TTC39B: variants seen among roughly 807,000 people sequenced by gnomAD.
The protein encoded by TTC39B is tetratricopeptide repeat domain 39B.
TTC39B carries 92 observed loss-of-function variants against 96.6 expected under a neutral mutation model. The observed-to-expected ratio is 0.95, with a 90% CI of 0.80 to 1.13. The LOEUF is 1.13. Ranked by LOEUF, TTC39B falls within the 50% of genes most tolerant of loss-of-function variation. The probability of loss-of-function intolerance (pLI) is 0.00; values close to 1 mark genes in which losing one functional copy is unlikely to be tolerated. For missense variants in TTC39B, 955 were observed against 809.3 expected (o/e 1.18, Z -2.18); for synonymous variants, 367 against 299.4 (o/e 1.23, Z -2.33).
At chr9:15,184,105 A>AAAG (rs1336641683) in intron 16 of TTC39B, among the ~76,000 whole-genome samples, 2 of 152,204 alleles carry the variant, frequency 1.3e-5, no homozygotes, top group Non-Finnish European at 2.9e-5. Flanking sequence ...ACAATTTACA[A>AAAG]AAGAAAAAAT....
intron 3 of TTC39B, among the ~76,000 whole-genome samples, chr9:15,221,103 A>C (rs1426202640): frequency 6.6e-6 from 1 of 152,138 alleles, no homozygotes; most frequent in African/African-American, 2.4e-5. Context: ...GGAGTCACTA[A>C]GCATCTTCAG....
intron 1 of TTC39B, among the ~76,000 whole-genome samples, chr9:15,278,411 G>C (rs887630524): frequency 6.6e-6 from 1 of 152,092 alleles, no homozygotes; most frequent in Non-Finnish European, 1.5e-5. Context: ...ACATAAATGA[G>C]CAAATTATTT....
At chr9:15,199,621 G>A (rs1208653411) in intron 8 of TTC39B, among the ~76,000 whole-genome samples, 1 of 151,346 alleles carries the variant, frequency 6.6e-6, no homozygotes, top group Non-Finnish European at 1.5e-5. Context: ...TGTAGTCCCA[G>A]CTACTCGGGA....
intron 1 of TTC39B, among the ~76,000 whole-genome samples, chr9:15,297,906 G>C (rs1447398771): frequency 6.6e-6 from 1 of 152,090 alleles, no homozygotes; most frequent in Admixed American, 6.5e-5. Flanking sequence ...CTGGATTAAG[G>C]GATACCCAGA....
intron 11 of TTC39B, 45 bp from the exon 12 acceptor site, chr9:15,189,837 G>C (rs558759098): frequency 7.4e-7 from 1 of 1,357,958 alleles, no homozygotes; most frequent in Non-Finnish European, 1.0e-6. Flanking sequence ...AAGACATGGG[G>C]ATATTTATAA....
intron 1 of TTC39B, among the ~76,000 whole-genome samples, chr9:15,299,233 T>C (rs143038979): frequency 2.0e-4 from 31 of 152,278 alleles, no homozygotes; most frequent in Non-Finnish European, 3.5e-4. Context: ...AAACATACAA[T>C]GTATCATTTC....
In TTC39B at chr9:15,247,604, A is replaced by G. The variant is rs118038842; in HGVS notation, c.275+20310T>C. Among the ~76,000 whole-genome samples the G allele has an allele frequency of 2.0e-3, 305 of 152,268 alleles. 2 individuals carry two copies. Among genetic ancestry groups the G allele is most frequent in the Middle Eastern group, 3.4e-3 (1 of 294 alleles). ...CATTAGCATTCCTCTTCTAGGGTGC[A>G]TGTTTTCCACGTTCCTTAACTGGCC... On this transcript the variant is annotated intron_variant, in intron 2 of 19. Transcript: ENST00000512701.
chr9:15,266,867 C>T (rs1234842173), intron 2 of TTC39B, among the ~76,000 whole-genome samples: 1 of 152,144 alleles, frequency 6.6e-6, no homozygotes, highest in Non-Finnish European at 1.5e-5. Flanking sequence ...ATCACGAGGT[C>T]AGGAGATGGA....
chr9:15,218,790 T>C (rs1018427068), intron 3 of TTC39B, among the ~76,000 whole-genome samples: 3 of 152,126 alleles, frequency 2.0e-5, no homozygotes, highest in Non-Finnish European at 4.4e-5. Context: ...TGGAATCAGA[T>C]CCTTTTATTC....
chr9:15,240,504 T>C (rs533198937), intron 2 of TTC39B, among the ~76,000 whole-genome samples: 1 of 152,336 alleles, frequency 6.6e-6, no homozygotes, highest in African/African-American at 2.4e-5. Context: ...TCAATGTTTT[T>C]TTTTCAATTT....
At chr9:15,227,308 CAAA>C (rs199578209) in intron 2 of TTC39B, among the ~76,000 whole-genome samples, 4 of 123,228 alleles carry the variant, frequency 3.2e-5, no homozygotes, top group African/African-American at 3.0e-5. Context: ...AACTCCATCT[CAAA>C]AAAAAAAAAA....
chr9:15,265,150 G>A (rs1279561345), intron 2 of TTC39B, among the ~76,000 whole-genome samples: 1 of 152,146 alleles, frequency 6.6e-6, no homozygotes, highest in Admixed American at 6.5e-5. Flanking sequence ...CAGCTGGGTT[G>A]AATTTAGGGC....
intron 2 of TTC39B, among the ~76,000 whole-genome samples, chr9:15,242,352 C>T (rs949724881): frequency 6.6e-6 from 1 of 152,136 alleles, no homozygotes; most frequent in Non-Finnish European, 1.5e-5. Context: ...AAGGCCAAGG[C>T]AGGCGGATCA....
Position 15,201,897 on chromosome 9 carries a change from G to C in TTC39B, c.759+1926C>G, listed in dbSNP as rs115525287. Among the ~76,000 whole-genome samples, 996 of 152,248 alleles carry C rather than the reference G, an allele frequency of 6.5e-3. 18 individuals are homozygous for C. The highest frequency in any genetic ancestry group is 0.023 in the African/African-American group (950 of 41,548). ...GAATGCTGAAGCAGAGAAGTGACCA[G>C]GTCAGAGACTCATTTTTAAGAGGTT... is the stretch of plus-strand genomic sequence containing the variant. On this transcript the variant is annotated intron_variant, in intron 7 of 19. Coordinates refer to ENST00000512701, the Ensembl canonical transcript of TTC39B.
At chr9:15,174,979 A>G (rs1817851235) in intron 19 of TTC39B, 40 bp downstream of exon 19, 2 of 1,304,756 alleles carry the variant, frequency 1.5e-6, no homozygotes, top group African/African-American at 1.5e-5. Context: ...GACATTTCTG[A>G]CTCCATAACA....
At chr9:15,252,640 C>T (rs1822606510) in intron 2 of TTC39B, among the ~76,000 whole-genome samples, 1 of 151,232 alleles carries the variant, frequency 6.6e-6, no homozygotes, top group Non-Finnish European at 1.5e-5. Flanking sequence ...AAGAGTGAAA[C>T]TCCATCTCAA....
exon 20 of TTC39B, chr9:15,171,961 T>A (rs1476119679): frequency 7.5e-7 from 1 of 1,324,696 alleles, no homozygotes; most frequent in Non-Finnish European, 1.1e-6. Flanking sequence ...AATATAAGGT[T>A]GAATCTATAG....
intron 17 of TTC39B, among the ~76,000 whole-genome samples, chr9:15,178,895 C>T (rs1818101029): frequency 6.6e-6 from 1 of 152,204 alleles, no homozygotes; most frequent in African/African-American, 2.4e-5. Context: ...AGAATACCCT[C>T]TCCAGATCAT....
intron 6 of TTC39B, among the ~76,000 whole-genome samples, chr9:15,205,111 T>C (rs1158854522): frequency 6.6e-6 from 1 of 152,158 alleles, no homozygotes; most frequent in African/African-American, 2.4e-5. Flanking sequence ...TCCTCATTTA[T>C]AAAGGCCACT....
Sources: gnomAD v4.1 joint callset for allele counts (sites outside exome capture counted in the v4.1 genomes callset) on GRCh38, gnomAD v4.1.1 for gene constraint, MANE v1.5 for transcripts, NCBI Gene and HGNC (gene_info 2026-07-23, HGNC 2026-07-21) for gene names.